Variants in PKD1L3 observed in about 807,000 individuals in gnomAD.
The protein encoded by PKD1L3 is polycystin 1 like 3, transient receptor potential channel interacting.
In PKD1L3, 239 loss-of-function variants were observed where a neutral mutation model predicts 184.1. That is an observed-to-expected ratio of 1.30 (90% CI 1.17 to 1.45). The LOEUF (loss-of-function observed/expected upper bound fraction) is 1.45. Ranked by LOEUF, PKD1L3 falls within the 40% of genes most tolerant of loss-of-function variation. The probability of loss-of-function intolerance (pLI) is 0.00; values close to 1 mark genes in which losing one functional copy is unlikely to be tolerated. For missense variants in PKD1L3, 2,660 were observed against 2,067.2 expected, an observed-to-expected ratio of 1.29 and a Z score of -5.56; for synonymous variants, 996 against 778.8, an observed-to-expected ratio of 1.28 and a Z score of -4.64.
At chr16:71,966,991 T>C (rs2039523489) in intron 15 of PKD1L3, 146 bp downstream of exon 15, 1 of 885,048 alleles carries the variant, frequency 1.1e-6, no homozygotes, top group Admixed American at 3.2e-5. Flanking sequence ...GGGCTTATTC[T>C]GTGTAGACAG....
chr16:71,996,297 C>A (rs974397858), intron 2 of PKD1L3, among the ~76,000 whole-genome samples: 1 of 120,278 alleles, frequency 8.3e-6, no homozygotes, highest in Non-Finnish European at 1.6e-5. Flanking sequence ...GAGTCTTGCT[C>A]TGTCACCAGG....
Position 71,982,083 on chromosome 16 carries a change from C to G in PKD1L3, c.1119G>C (p.Leu373=). The G allele has an allele frequency of 6.5e-7, 1 of 1,549,526 alleles. No homozygotes were observed. The highest frequency in any genetic ancestry group is 8.7e-7 in the Non-Finnish European group (1 of 1,146,166). Reference sequence around the variant, plus strand: ...CCGGCTCAGTATGACGCTTGGATTCCAGCCAACTTCCTTCTCCAGCTTTGG... The same window carrying G: ...CCGGCTCAGTATGACGCTTGGATTCGAGCCAACTTCCTTCTCCAGCTTTGG... ...NVTKAGEGSW[L]ESKRHTEPVE... The change falls in exon 7 of 30, where the codon CTG becomes CTC. Residue 373 remains leucine (L), a synonymous_variant. Coordinates refer to ENST00000620267, the MANE Select transcript of PKD1L3 (RefSeq NM_181536.2).
At chr16:71,947,456 G>A in intron 22 of PKD1L3, 36 bp downstream of exon 22, 1 of 1,426,056 alleles carries the variant, frequency 7.0e-7, no homozygotes, top group Non-Finnish European at 9.6e-7. Context: ...TTTGCTTTTT[G>A]CAAAATTAGG....
intron 2 of PKD1L3, among the ~76,000 whole-genome samples, chr16:71,995,110 C>T (rs2040738453): frequency 1.3e-5 from 2 of 152,190 alleles, no homozygotes; most frequent in Non-Finnish European, 2.9e-5. Flanking sequence ...GCTCACAGTT[C>T]TGGAGGCTGG....
At chr16:71,973,269 G>A (rs938107488) in intron 12 of PKD1L3, 55 bp downstream of exon 12, 1 of 1,515,952 alleles carries the variant, frequency 6.6e-7, no homozygotes, top group Non-Finnish European at 8.9e-7. Flanking sequence ...GGATGCATTG[G>A]GCTTAACAGT....
intron 4 of PKD1L3, among the ~76,000 whole-genome samples, chr16:71,987,840 G>A (rs555494379): frequency 6.6e-6 from 1 of 152,264 alleles, no homozygotes; most frequent in Non-Finnish European, 1.5e-5. Context: ...CAGGGAGAGA[G>A]AGAGCTCTGC....
chr16:71,998,516 T>C (rs946558040), intron 1 of PKD1L3, 122 bp from the exon 2 acceptor site: 2 of 1,280,164 alleles, frequency 1.6e-6, no homozygotes, highest in African/African-American at 3.0e-5. Flanking sequence ...AGTGGTGTGA[T>C]CTTCACTCAC....
At chr16:71,936,213 T>TC (rs1196151010) in intron 25 of PKD1L3, among the ~76,000 whole-genome samples, 1 of 151,534 alleles carries the variant, frequency 6.6e-6, no homozygotes, top group Non-Finnish European at 1.5e-5. Context: ...TCTTTTCTTT[T>TC]TTTTTTTTTG....
chr16:71,966,621 G>A (rs2039511891), intron 15 of PKD1L3, among the ~76,000 whole-genome samples: 1 of 151,778 alleles, frequency 6.6e-6, no homozygotes, highest in South Asian at 2.1e-4. Flanking sequence ...TTGTAGAGGT[G>A]GGGTCTTCCT....
chr16:71,962,156 T>C (rs1282960823), intron 16 of PKD1L3, among the ~76,000 whole-genome samples: 1 of 152,138 alleles, frequency 6.6e-6, no homozygotes, highest in Non-Finnish European at 1.5e-5. Flanking sequence ...ACTCCTGGCC[T>C]CAAGTGATTT....
In PKD1L3 at chr16:71,949,966, G is replaced by A. The variant is rs1299108338; in HGVS notation, c.3435C>T (p.Ile1145=). 1.9e-6 allele frequency: 3 copies of A among 1,551,548 alleles called. No individual in the cohort carries two copies. The highest frequency in any genetic ancestry group is 3.9e-5 in the Admixed American group (2 of 50,952). Residue 1145 remains isoleucine (I), a synonymous_variant, in exon 21 of 30, where the codon ATC becomes ATT. Transcript: ENST00000620267. ...TCAACCATTTGGACAGGCCATTTGA[G>A]ATGGGCTTTTTTCCTTCTTCTGAGC... The part of the protein sequence containing the change: ...ILSSEEGKKP[I]SNGLSKWLTS...
Position 72,000,040 on chromosome 16 carries a change from T to G in PKD1L3, c.-62A>C. 1 of 1,280,296 alleles carries G rather than the reference T, an allele frequency of 7.8e-7. No homozygotes were observed. The highest frequency in any genetic ancestry group is 3.0e-5 in the Admixed American group (1 of 33,578). The allele number at this position is 1,280,296 out of a possible 1,614,324, so 79.3% of individuals were successfully genotyped here. A position where few individuals can be genotyped will look rare whatever the true frequency, so the allele number is the denominator to read the frequency against. On this transcript the variant is annotated 5_prime_UTR_variant, in exon 1 of 30. Coordinates refer to ENST00000620267, the MANE Select transcript of PKD1L3 (RefSeq NM_181536.2). ...TAGCAGCTGCCTGGTCCTTTAAATA[T>G]ATATATTGGCGGGCTTGTCTTATTA...
chr16:71,965,679 G>A (rs748232230), intron 15 of PKD1L3, among the ~76,000 whole-genome samples: 2 of 151,494 alleles, frequency 1.3e-5, no homozygotes, highest in South Asian at 2.1e-4. Context: ...TCGGTCTCTC[G>A]AGCAGCTGGG....
intron 2 of PKD1L3, among the ~76,000 whole-genome samples, chr16:71,995,316 T>C (rs973813531): frequency 6.6e-6 from 1 of 152,192 alleles, no homozygotes; most frequent in Non-Finnish European, 1.5e-5. Flanking sequence ...GCAACACCTG[T>C]TTTGGAAGGG....
In PKD1L3 at chr16:71,942,776, G is replaced by T. The variant is rs967938521; in HGVS notation, c.4108C>A (p.Pro1370Thr). 3.4e-5 allele frequency: 53 copies of T among 1,551,532 alleles called. No individual in the cohort carries two copies. The highest frequency in any genetic ancestry group is 1.7e-4 in the Middle Eastern group (1 of 6,014). ...ACTTTCTCATAGGTCTTGGTACGGG[G>T]TATTTGGAAAATTAATTGTACCCCA... ...KCGVQLIFQI[P>T]RTKTYEKVDE... Residue 1370 changes from proline (P) to threonine (T), a missense_variant, in exon 24 of 30, where the codon CCC becomes ACC. Coordinates refer to ENST00000620267, the MANE Select transcript of PKD1L3 (RefSeq NM_181536.2).
At chr16:71,946,893 GGAGAGAGGGAGGGGGAGAGAGAGAGA>G (rs2038632739) in intron 22 of PKD1L3, among the ~76,000 whole-genome samples, 1 of 50,300 alleles carries the variant, frequency 2.0e-5, no homozygotes, top group Non-Finnish European at 4.5e-5. Context: ...AGAGAGAGAG[GGAGAGAGGGAGGGGGAGAGAGAGAGA>G]GAGAAAGGGA....
chr16:71,964,607 G>A (rs1039269170), intron 15 of PKD1L3, among the ~76,000 whole-genome samples: 1 of 151,784 alleles, frequency 6.6e-6, no homozygotes, highest in Admixed American at 6.6e-5. Context: ...CCAAAGTGCT[G>A]GGATCACAGG....
chr16:71,996,257 T>TA (rs2040779683), intron 2 of PKD1L3, among the ~76,000 whole-genome samples: 1 of 33,744 alleles, frequency 3.0e-5, no homozygotes, highest in East Asian at 3.5e-4. Flanking sequence ...CCCCGCCTTT[T>TA]TTTTTTTTTT....
chr16:71,945,383 CAT>C (rs1220889537), intron 22 of PKD1L3, among the ~76,000 whole-genome samples: 758 of 56,954 alleles, frequency 0.013, 13 homozygotes, highest in African/African-American at 0.016. Flanking sequence ...CGCACACACA[CAT>C]ATATATATAT....
Sources: allele counts gnomAD v4.1 joint callset (sites outside exome capture counted in the v4.1 genomes callset), GRCh38; gene constraint gnomAD v4.1.1; transcripts MANE v1.5; gene names NCBI Gene and HGNC (gene_info 2026-07-23, HGNC 2026-07-21).